METTL24: variants seen among roughly 807,000 people sequenced by gnomAD.
METTL24 encodes the protein methyltransferase like 24.
METTL24 carries 29 observed loss-of-function variants against 32.7 expected under a neutral mutation model. The ratio of observed to expected loss-of-function variants is 0.89; its 90% CI spans 0.66 to 1.21. The LOEUF is 1.21. Ranked by LOEUF, METTL24 falls within the 50% of genes most tolerant of loss-of-function variation. The probability of loss-of-function intolerance (pLI) is 0.00; values close to 1 mark genes in which losing one functional copy is unlikely to be tolerated. For missense variants in METTL24, 439 were observed against 468.1 expected (o/e 0.94, Z 0.57); for synonymous variants, 163 against 179.5 (o/e 0.91, Z 0.73).
intron 4 of METTL24, among the ~76,000 whole-genome samples, chr6:110,260,300 G>A (rs1778469401): frequency 1.3e-5 from 2 of 152,196 alleles, no homozygotes; most frequent in African/African-American, 2.4e-5. Context: ...ACCATGGCAC[G>A]AGAACTACGT....
intron 4 of METTL24, chr6:110,254,116 T>C (rs939974440): frequency 2.1e-6 from 1 of 480,344 alleles, no homozygotes. Flanking sequence ...TTTGTAATGA[T>C]TTAATTTATT....
At chr6:110,304,938 C>T (rs2114738005) in intron 3 of METTL24, among the ~76,000 whole-genome samples, 1 of 152,270 alleles carries the variant, frequency 6.6e-6, no homozygotes, top group East Asian at 1.9e-4. Context: ...AAGGGAAGCC[C>T]ATCAGACTAA....
In METTL24 at chr6:110,358,327, C is replaced by G; in HGVS notation, c.-55G>C. 1.5e-6 allele frequency: 2 copies of G among 1,315,222 alleles called. No homozygotes were observed. The highest frequency in any genetic ancestry group is 9.8e-7 in the Non-Finnish European group (1 of 1,018,036). The allele number at this position is 1,315,222 out of a possible 1,614,324, so 81.5% of individuals were successfully genotyped here. On this transcript the variant is annotated 5_prime_UTR_variant, in exon 1 of 5. Coordinates refer to ENST00000338882, the MANE Select transcript of METTL24 (RefSeq NM_001123364.3). ...GCCTGGCCGGCAGCAGGGATGTAGC[C>G]CCACAGGCCGGAGCGGCCAACTGTG...
chr6:110,270,623 G>C (rs1770939492), intron 4 of METTL24, among the ~76,000 whole-genome samples: 1 of 152,078 alleles, frequency 6.6e-6, no homozygotes, highest in Middle Eastern at 3.4e-3. Context: ...CCTAAATAAC[G>C]GCTTCCTTCA....
At chr6:110,261,788 A>G (rs1303087419) in intron 4 of METTL24, among the ~76,000 whole-genome samples, 1 of 152,212 alleles carries the variant, frequency 6.6e-6, no homozygotes, top group African/African-American at 2.4e-5. Flanking sequence ...AGTGCAATCA[A>G]ACTAGAACTC....
Position 110,245,863 on chromosome 6 carries a change from T to A in METTL24, c.*83A>T. The A allele has an allele frequency of 1.5e-6, 2 of 1,358,722 alleles. No individual in the cohort carries two copies. The highest frequency in any genetic ancestry group is 2.3e-5 in the East Asian group (1 of 43,498). 84.2% of individuals were successfully genotyped at this position (1,358,722 alleles called of 1,614,324 possible). A position where few individuals can be genotyped will look rare whatever the true frequency, so the allele number is the denominator to read the frequency against. ...AGCAGGGCACAGGCTAGCAGGAGACTGGATGAGTAAACTCATGATTAGAAT... is the reference window on the plus strand; with the variant it reads ...AGCAGGGCACAGGCTAGCAGGAGACAGGATGAGTAAACTCATGATTAGAAT... On this transcript the variant is annotated 3_prime_UTR_variant, in exon 5 of 5. Transcript: ENST00000338882.
At chr6:110,355,324 G>T (rs1033573) in intron 1 of METTL24, among the ~76,000 whole-genome samples, 1 of 152,150 alleles carries the variant, frequency 6.6e-6, no homozygotes, top group Non-Finnish European at 1.5e-5. Flanking sequence ...GTAGAGGAGT[G>T]AGCATAAGCC....
Position 110,315,406 on chromosome 6 carries a change from GAC to G in METTL24, c.491_492del (p.Cys164SerfsTer2). 1.9e-6 allele frequency: 3 copies of G among 1,614,200 alleles called. No individual in the cohort carries two copies. The South Asian group carries it at 3.3e-5, about 18-fold the overall frequency. On this transcript the variant is annotated frameshift_variant, in exon 3 of 5. Transcript: ENST00000338882. LOFTEE classifies it high-confidence loss of function. ...SSPTHKPWSV[C>X]LDDRFNLAHQ... ...TGAGCTAAATTGAACCTGTCGTCAA[GAC>G]ACACTGACCAGGGCTTGTGTGTAGG...
chr6:110,295,191 T>G (rs960149484), intron 4 of METTL24, among the ~76,000 whole-genome samples: 2 of 151,980 alleles, frequency 1.3e-5, no homozygotes, highest in African/African-American at 4.8e-5. Context: ...CCCAGCTAAT[T>G]TTTTAAATCT....
chr6:110,298,816 G>T, intron 4 of METTL24, 106 bp downstream of exon 4: 2 of 901,822 alleles, frequency 2.2e-6, no homozygotes, highest in Non-Finnish European at 1.7e-6. Flanking sequence ...ATTAAAATCG[G>T]ACCTTCAGCT....
chr6:110,264,447 G>C (rs1309206294), intron 4 of METTL24, among the ~76,000 whole-genome samples: 2 of 152,216 alleles, frequency 1.3e-5, no homozygotes, highest in East Asian at 3.9e-4. Context: ...AGTTAGAATG[G>C]CGATCATTAA....
intron 4 of METTL24, among the ~76,000 whole-genome samples, chr6:110,258,572 A>AGATAGGTGGATGGGTG (rs1778428158): frequency 6.6e-6 from 1 of 152,056 alleles, no homozygotes; most frequent in African/African-American, 2.4e-5. Context: ...ATGGAGAGGT[A>AGATAGGTGGATGGGTG]GATAGGTGGA....
chr6:110,255,664 T>C (rs1235276552), intron 4 of METTL24, among the ~76,000 whole-genome samples: 2 of 152,212 alleles, frequency 1.3e-5, no homozygotes, highest in Non-Finnish European at 2.9e-5. Context: ...ACTCAATGCC[T>C]TAAAGTTACA....
chr6:110,289,560 A>C (rs966134423), intron 4 of METTL24, among the ~76,000 whole-genome samples: 2 of 152,132 alleles, frequency 1.3e-5, no homozygotes, highest in African/African-American at 4.8e-5. Context: ...AAAGAATTGG[A>C]AGCTAGTAGT....
At chr6:110,255,770 G>C (rs185727209) in intron 4 of METTL24, among the ~76,000 whole-genome samples, 322 of 152,288 alleles carry the variant, frequency 2.1e-3, no homozygotes, top group Non-Finnish European at 3.5e-3. Flanking sequence ...TAAATGAATA[G>C]ATGTATAAAC....
intron 4 of METTL24, among the ~76,000 whole-genome samples, chr6:110,248,066 C>T (rs1778201960): frequency 6.6e-6 from 1 of 151,650 alleles, no homozygotes; most frequent in Non-Finnish European, 1.5e-5. Context: ...AGTGTGGCAC[C>T]TCTACCCCCC....
At chr6:110,318,666 A>AAAG (rs1771873373) in intron 2 of METTL24, among the ~76,000 whole-genome samples, 2 of 151,302 alleles carry the variant, frequency 1.3e-5, no homozygotes, top group Non-Finnish European at 2.9e-5. Context: ...AAAAAAAAAA[A>AAAG]AAAGAAAGAA....
intron 1 of METTL24, among the ~76,000 whole-genome samples, chr6:110,356,508 C>G (rs188361524): frequency 5.9e-5 from 9 of 152,020 alleles, no homozygotes; most frequent in African/African-American, 2.2e-4. Context: ...CACATTGTAA[C>G]TCAAATATGT....
At position 110,313,670 on chromosome 6, in the gene METTL24, A is replaced by T. The variant is rs559469866; in HGVS notation, c.557+1672T>A. Among the ~76,000 whole-genome samples, 47 of 152,360 alleles carry T rather than the reference A, an allele frequency of 3.1e-4. No individual in the cohort carries two copies. The East Asian group carries it at 8.7e-3, about 28-fold the overall frequency. On this transcript the variant is annotated intron_variant, in intron 3 of 4. Coordinates refer to ENST00000338882, the MANE Select transcript of METTL24 (RefSeq NM_001123364.3). ...CACTTTCAGACATTTTTAATGTGAC[A>T]TGAAATAAATTCTGCTCTCACAACT...
Sources: gnomAD v4.1 joint callset for allele counts (sites outside exome capture counted in the v4.1 genomes callset) on GRCh38, gnomAD v4.1.1 for gene constraint, MANE v1.5 for transcripts, NCBI Gene and HGNC (gene_info 2026-07-23, HGNC 2026-07-21) for gene names.